Variants in ABI1 observed in about 807,000 individuals in gnomAD.
ABI1 encodes the protein Abelson interactor 1.
ABI1 carries 14 observed loss-of-function variants against 54.6 expected under a neutral mutation model. The ratio of observed to expected loss-of-function variants is 0.26; its 90% CI spans 0.17 to 0.40. ABI1 has a LOEUF of 0.40. Ranked by LOEUF, ABI1 falls within the 10% of genes least tolerant of loss-of-function variation. ABI1 has a pLI of 1.00. For missense variants in ABI1, 443 were observed against 598.3 expected (o/e 0.74, Z 2.71); for synonymous variants, 194 against 209.3 (o/e 0.93, Z 0.63).
intron 1 of ABI1, among the ~76,000 whole-genome samples, chr10:26,853,650 C>T (rs1198706293): frequency 7.2e-5 from 11 of 151,806 alleles, no homozygotes; most frequent in East Asian, 1.9e-4. Flanking sequence ...GCCATTCAGC[C>T]GCCTCAGCCT....
chr10:26,827,521 C>T (rs2048379440), intron 1 of ABI1, among the ~76,000 whole-genome samples: 2 of 152,046 alleles, frequency 1.3e-5, no homozygotes, highest in African/African-American at 4.8e-5. Flanking sequence ...CCACGCCCAG[C>T]CTGGTTTGAC....
intron 2 of ABI1, among the ~76,000 whole-genome samples, chr10:26,822,117 T>C (rs1564542122): frequency 6.6e-6 from 1 of 151,832 alleles, no homozygotes; most frequent in Non-Finnish European, 1.5e-5. Flanking sequence ...AAACAAAAAT[T>C]CCTAATACAC....
At chr10:26,761,979 C>G (rs531258406) in intron 7 of ABI1, among the ~76,000 whole-genome samples, 13 of 151,950 alleles carry the variant, frequency 8.6e-5, no homozygotes, top group Admixed American at 7.9e-4. Flanking sequence ...GGTTCTCAAA[C>G]TTCATCATTG....
chr10:26,784,827 T>C (rs768804252), intron 2 of ABI1, among the ~76,000 whole-genome samples: 6 of 152,182 alleles, frequency 3.9e-5, no homozygotes, highest in Non-Finnish European at 7.4e-5. Flanking sequence ...CTATCCAGGA[T>C]TGTTACAGAT....
At chr10:26,762,463 C>T (rs940244464) in intron 7 of ABI1, among the ~76,000 whole-genome samples, 3 of 152,096 alleles carry the variant, frequency 2.0e-5, no homozygotes, top group Admixed American at 2.0e-4. Context: ...CTCTGAAAAC[C>T]ACTGTTCTAG....
intron 1 of ABI1, among the ~76,000 whole-genome samples, chr10:26,845,413 C>T (rs1202484958): frequency 1.3e-5 from 2 of 152,104 alleles, no homozygotes; most frequent in Admixed American, 6.5e-5. Context: ...GAGGCTGAGG[C>T]GGGCGGATCA....
chr10:26,825,782 C>T lies in ABI1; in HGVS notation c.118-2477G>A, dbSNP rs150680993. 2.0e-5 allele frequency among the ~76,000 whole-genome samples: 3 copies of T among 152,300 alleles called. No individual in the cohort carries two copies. In the East Asian group the frequency reaches 5.8e-4, roughly 29 times the overall value. On this transcript the variant is annotated intron_variant, in intron 1 of 10. Coordinates refer to ENST00000376140, the MANE Select transcript of ABI1 (RefSeq NM_001012750.3). ...GTTGTCATTTCAACAAGGTTCACAG[C>T]GTCTTCAGCAGGAGTAGATTCTATC...
chr10:26,821,659 C>T (rs1423183421), intron 2 of ABI1, among the ~76,000 whole-genome samples: 1 of 151,948 alleles, frequency 6.6e-6, no homozygotes, highest in Non-Finnish European at 1.5e-5. Flanking sequence ...ATTAGCCAGG[C>T]GTGGTGGCGA....
chr10:26,777,552 G>A lies in ABI1; in HGVS notation c.286-311C>T, dbSNP rs75955675. Among the ~76,000 whole-genome samples, 56 of 152,256 alleles carry A rather than the reference G, an allele frequency of 3.7e-4. No homozygotes were observed. The East Asian group carries it at 7.9e-3, about 22-fold the overall frequency. ...ATCAGCACTTTAGGCCAAGACAGGT[G>A]GATTGCTTGAGTTCAGGAGTTCAAG... On this transcript the variant is annotated intron_variant, in intron 2 of 10. Coordinates refer to ENST00000376140, the MANE Select transcript of ABI1 (RefSeq NM_001012750.3).
chr10:26,827,291 G>C (rs551449491), intron 1 of ABI1, among the ~76,000 whole-genome samples: 3 of 149,608 alleles, frequency 2.0e-5, no homozygotes, highest in Non-Finnish European at 4.4e-5. Context: ...GCGTGATCTC[G>C]GCTCACCGCA....
intron 2 of ABI1, among the ~76,000 whole-genome samples, chr10:26,807,213 C>T (rs2046931397): frequency 6.6e-6 from 1 of 152,130 alleles, no homozygotes; most frequent in African/African-American, 2.4e-5. Context: ...GTGGCTCACG[C>T]CTGTAATCCC....
chr10:26,762,148 A>G (rs1027435722), intron 7 of ABI1, among the ~76,000 whole-genome samples: 4 of 152,308 alleles, frequency 2.6e-5, no homozygotes, highest in African/African-American at 9.6e-5. Context: ...CTGGGGCTAC[A>G]GGCATGCATC....
At chr10:26,788,650 C>T (rs1018848492) in intron 2 of ABI1, among the ~76,000 whole-genome samples, 4 of 151,992 alleles carry the variant, frequency 2.6e-5, no homozygotes, top group Non-Finnish European at 5.9e-5. Flanking sequence ...CAGTGGCTCA[C>T]GCCTGTAATC....
chr10:26,760,872 GAGAA>G lies in ABI1; in HGVS notation c.821-1638_821-1635del, dbSNP rs570672338. 4.8e-3 allele frequency among the ~76,000 whole-genome samples: 536 copies of G among 111,432 alleles called. 5 individuals are homozygous for G. Among genetic ancestry groups the G allele is most frequent in the Non-Finnish European group, 7.5e-3 (442 of 59,020 alleles). The allele number at this position is 111,432 out of a possible 152,430, so 73.1% of individuals were successfully genotyped here. ...CCACTGCATTCCAGCCTGAGTGACGGAGAAAGACTCCATCTCAAAAAAAAAAAAA... is the reference window on the plus strand; with the variant it reads ...CCACTGCATTCCAGCCTGAGTGACGGAGACTCCATCTCAAAAAAAAAAAAA... On this transcript the variant is annotated intron_variant, in intron 7 of 10. Coordinates refer to ENST00000376140, the MANE Select transcript of ABI1 (RefSeq NM_001012750.3).
chr10:26,754,189 G>A (rs181211509), intron 9 of ABI1, among the ~76,000 whole-genome samples: 263 of 152,042 alleles, frequency 1.7e-3, no homozygotes, highest in African/African-American at 6.0e-3. Context: ...ATTTTTGCAC[G>A]TCTAGGCTGG....
Position 26,777,098 on chromosome 10 carries a change from G to A in ABI1, c.429C>T (p.Tyr143=). 8 of 1,612,312 alleles carry A rather than the reference G, an allele frequency of 5.0e-6. No homozygotes were observed. The highest frequency in any genetic ancestry group is 5.9e-6 in the Non-Finnish European group (7 of 1,179,554). The part of the protein sequence containing the change: ...PVRYIRKPID[Y]TVLDDVGHGV... ...CATGGCCCACATCATCCAGAACTGT[G>A]TAATCGATAGGTTTCCGAATATACC... Residue 143 remains tyrosine, a synonymous_variant, in exon 3 of 11, where the codon TAC becomes TAT. Transcript: ENST00000376140.
In ABI1 at chr10:26,793,480, A is replaced by G. The variant is rs72792201; in HGVS notation, c.286-16239T>C. On this transcript the variant is annotated intron_variant, in intron 2 of 10. Coordinates refer to ENST00000376140, the MANE Select transcript of ABI1 (RefSeq NM_001012750.3). Reference sequence around the variant, plus strand: ...AGACTCTGGTGGAAAAACAAAAACCACTTGGATCAGAATTATTCTGAAATA... The same window carrying G: ...AGACTCTGGTGGAAAAACAAAAACCGCTTGGATCAGAATTATTCTGAAATA... 6.8e-3 allele frequency among the ~76,000 whole-genome samples: 1,042 copies of G among 152,286 alleles called. 9 individuals are homozygous for G. The highest frequency in any genetic ancestry group is 0.011 in the Non-Finnish European group (737 of 68,012).
chr10:26,846,819 T>C (rs2050017821), intron 1 of ABI1, among the ~76,000 whole-genome samples: 1 of 152,162 alleles, frequency 6.6e-6, no homozygotes, highest in Non-Finnish European at 1.5e-5. Context: ...GTACACATGC[T>C]GCTCTCCCCT....
chr10:26,774,546 T>C (rs543223688), intron 3 of ABI1, among the ~76,000 whole-genome samples: 71 of 152,300 alleles, frequency 4.7e-4, no homozygotes, highest in African/African-American at 1.7e-3. Context: ...CTTATACATA[T>C]CTTATTATTA....
Sources: allele counts gnomAD v4.1 joint callset (sites outside exome capture counted in the v4.1 genomes callset), GRCh38; gene constraint gnomAD v4.1.1; transcripts MANE v1.5; gene names NCBI Gene and HGNC (gene_info 2026-07-23, HGNC 2026-07-21).